The following DLEC1 variants were observed in gnomAD, a reference collection of about 807,000 sequenced individuals.
DLEC1 encodes the protein DLEC1 cilia and flagella associated protein.
Under a neutral mutation model 198.1 loss-of-function variants are expected in DLEC1, and 146 were observed. The observed-to-expected ratio is 0.74, with a 90% CI of 0.64 to 0.85. DLEC1 has a LOEUF of 0.85. Ranked by LOEUF, DLEC1 falls within the 40% of genes least tolerant of loss-of-function variation. The probability of loss-of-function intolerance (pLI) is 0.00; values close to 1 mark genes in which losing one functional copy is unlikely to be tolerated. For synonymous variants in DLEC1, 897 were observed against 866.8 expected (o/e 1.03, Z -0.61); for missense variants, 2,233 against 2,220.0 (o/e 1.01, Z -0.12).
Position 38,084,497 on chromosome 3 carries a change from A to AGTGGTAATAGTAGTG in DLEC1, c.1261+254_1261+255insGGTAATAGTAGTGGT, listed in dbSNP as rs1698298227. 1.6e-5 allele frequency among the ~76,000 whole-genome samples: 2 copies of AGTGGTAATAGTAGTG among 126,808 alleles called. 1 individual carries two copies. Among genetic ancestry groups the AGTGGTAATAGTAGTG allele is most frequent in the Non-Finnish European group, 3.4e-5 (2 of 58,468 alleles). 83.2% of individuals were successfully genotyped at this position (126,808 alleles called of 152,430 possible). A position where few individuals can be genotyped will look rare whatever the true frequency, so the allele number is the denominator to read the frequency against. On this transcript the variant is annotated intron_variant, in intron 7 of 36. Transcript: ENST00000308059. ...TGGTGGTGGTAGTAGTGGTGGTAGT[A>AGTGGTAATAGTAGTG]GTAGTGGTAGTAGTAGTAGTGGTAG... is the stretch of plus-strand genomic sequence containing the variant.
At chr3:38,051,555 A>C (rs1242447793) in intron 2 of DLEC1, among the ~76,000 whole-genome samples, 1 of 152,202 alleles carries the variant, frequency 6.6e-6, no homozygotes, top group Admixed American at 6.5e-5. Context: ...ACACAGCCTC[A>C]CTCTGCAGCA....
At chr3:38,070,284 C>T (rs1196537246) in intron 6 of DLEC1, among the ~76,000 whole-genome samples, 5 of 152,092 alleles carry the variant, frequency 3.3e-5, no homozygotes, top group Non-Finnish European at 7.3e-5. Context: ...TTCAGAGATA[C>T]GTGTTGAGGA....
chr3:38,111,761 G>A lies in DLEC1; in HGVS notation c.3514+14G>A. ...GAGAGCAGCTGGGTAAGCGCCACCA[G>A]GGTGGGGCTTCGGGGCCCAGGCCAC... is the stretch of plus-strand genomic sequence containing the variant. On this transcript the variant is annotated intron_variant, in intron 24 of 36. Transcript: ENST00000308059. 1 of 1,608,678 alleles carries A rather than the reference G, an allele frequency of 6.2e-7. No homozygotes were observed. The highest frequency in any genetic ancestry group is 1.3e-5 in the African/African-American group (1 of 75,020).
At chr3:38,109,608 T>C (rs1699755930) in intron 22 of DLEC1, 46 bp downstream of exon 22, 2 of 1,611,778 alleles carry the variant, frequency 1.2e-6, no homozygotes, top group Admixed American at 1.7e-5. Context: ...GACTGAGGAA[T>C]GAGGCAGCCG....
At chr3:38,072,265 G>A (rs1222761783) in intron 6 of DLEC1, among the ~76,000 whole-genome samples, 1 of 152,176 alleles carries the variant, frequency 6.6e-6, no homozygotes, top group Non-Finnish European at 1.5e-5. Context: ...ATATGCGTCA[G>A]GTGTGAGGAA....
At chr3:38,118,965 A>G (rs1700320897) in intron 33 of DLEC1, among the ~76,000 whole-genome samples, 1 of 152,088 alleles carries the variant, frequency 6.6e-6, no homozygotes, top group Non-Finnish European at 1.5e-5. Flanking sequence ...ACACACACGG[A>G]TCTGCAGAAG....
chr3:38,095,738 G>T, intron 13 of DLEC1, 150 bp from the exon 14 acceptor site: 1 of 875,102 alleles, frequency 1.1e-6, no homozygotes, highest in Non-Finnish European at 1.8e-6. Context: ...AAGGAGGGGA[G>T]GAGGCAGCAG....
intron 6 of DLEC1, among the ~76,000 whole-genome samples, chr3:38,064,427 T>C (rs1411255264): frequency 6.6e-6 from 1 of 152,202 alleles, no homozygotes; most frequent in Non-Finnish European, 1.5e-5. Flanking sequence ...ACAGACACAG[T>C]AAAAATCTGA....
intron 31 of DLEC1, 79 bp downstream of exon 31, chr3:38,117,381 G>A (rs1413062282): frequency 6.2e-7 from 1 of 1,602,350 alleles, no homozygotes. Flanking sequence ...GCCAGGCAGG[G>A]TTCTCAGAGC....
intron 2 of DLEC1, among the ~76,000 whole-genome samples, chr3:38,059,455 G>T (rs1188981742): frequency 6.6e-6 from 1 of 151,870 alleles, no homozygotes; most frequent in Non-Finnish European, 1.5e-5. Context: ...GAAGAACTGG[G>T]ACCTTTTATT....
At chr3:38,058,025 G>A (rs917968597) in intron 2 of DLEC1, among the ~76,000 whole-genome samples, 36 of 151,970 alleles carry the variant, frequency 2.4e-4, no homozygotes, top group African/African-American at 6.5e-4. Context: ...CCGTGGTCTC[G>A]ATCTCCTGAC....
In DLEC1 at chr3:38,122,603, T is replaced by C; in HGVS notation, c.*191T>C. 1.9e-6 allele frequency: 3 copies of C among 1,573,298 alleles called. No individual in the cohort carries two copies. Among genetic ancestry groups the C allele is most frequent in the Non-Finnish European group, 2.6e-6 (3 of 1,163,670 alleles). The stretch of plus-strand genomic sequence containing the variant: ...TCATGATATGTCCTCAGAGCTAACA[T>C]AAAGGACAGGCCACACCACAGCAGA... On this transcript the variant is annotated 3_prime_UTR_variant, in exon 37 of 37. Transcript: ENST00000308059.
At position 38,116,464 on chromosome 3, in the gene DLEC1, G is replaced by C. The variant is rs775802710; in HGVS notation, c.3868G>C (p.Asp1290His). Residue 1290 changes from aspartate (D) to histidine (H), a missense_variant, in exon 28 of 37, where the codon GAT becomes CAT. Physicochemically the swap from Asp to His is moderately conservative, Grantham distance 81. Transcript: ENST00000308059. ...CACATCTGCCCCAGACATCCGCCTG[G>C]ATTGGGAGACCTATGTTCCAGAAGA... Reference protein sequence around the residue: ...NNSSPCDIRLDWETYVPEDKE... With the variant: ...NNSSPCDIRLHWETYVPEDKE... 1.9e-6 allele frequency: 3 copies of C among 1,613,940 alleles called. No homozygotes were observed. Among genetic ancestry groups the C allele is most frequent in the East Asian group, 4.5e-5 (2 of 44,880 alleles).
intron 10 of DLEC1, among the ~76,000 whole-genome samples, chr3:38,091,136 T>C (rs1698725472): frequency 6.6e-6 from 1 of 152,154 alleles, no homozygotes; most frequent in Non-Finnish European, 1.5e-5. Flanking sequence ...ATGACATTGG[T>C]CTGGGCAATG....
rs190568019 is a variant in DLEC1, at chr3:38,058,745, A to T, written c.563-997A>T. On this transcript the variant is annotated intron_variant, in intron 2 of 36. Transcript: ENST00000308059. ...GACTTTGGGTGATAATAATGTGTCT[A>T]TGTAGGTTCTTCAGTAGTAACAAAT... Among the ~76,000 whole-genome samples, 42 of 152,136 alleles carry T rather than the reference A, an allele frequency of 2.8e-4. 2 individuals are homozygous for T. In the East Asian group the frequency reaches 3.1e-3, roughly 11 times the overall value.
intron 6 of DLEC1, among the ~76,000 whole-genome samples, chr3:38,075,950 T>C (rs111726312): frequency 0.065 from 9,948 of 152,136 alleles, 431 homozygotes; most frequent in Middle Eastern, 0.12. Context: ...CAGGTGTCCT[T>C]GTGTGGTCTG....
At chr3:38,116,315 A>T in intron 27 of DLEC1, 138 bp from the exon 28 acceptor site, 1 of 739,322 alleles carries the variant, frequency 1.4e-6, no homozygotes. Context: ...AAGTGGCATT[A>T]GAGAGGCAGA....
intron 2 of DLEC1, among the ~76,000 whole-genome samples, chr3:38,053,090 T>G (rs911530448): frequency 2.6e-5 from 4 of 152,224 alleles, no homozygotes; most frequent in South Asian, 2.1e-4. Flanking sequence ...GTTCACTCAG[T>G]GCTCAATGTT....
intron 7 of DLEC1, among the ~76,000 whole-genome samples, chr3:38,084,621 T>TGGTGGTGGTAGTGGTGGTAGTAGTG (rs1553617798): frequency 7.9e-6 from 1 of 126,390 alleles, no homozygotes; most frequent in African/African-American, 3.0e-5. Context: ...GTAGCAGTAC[T>TGGTGGTGGTAGTGGTGGTAGTAGTG]GCTACTACTT....
Sources: allele counts gnomAD v4.1 joint callset (sites outside exome capture counted in the v4.1 genomes callset), GRCh38; gene constraint gnomAD v4.1.1; transcripts MANE v1.5; gene names NCBI Gene and HGNC (gene_info 2026-07-23, HGNC 2026-07-21).